The following TENM4 variants were observed in gnomAD, a reference collection of about 807,000 sequenced individuals.
TENM4 encodes the protein teneurin-4.
TENM4 carries 82 observed loss-of-function variants against 243.3 expected under a neutral mutation model. The observed-to-expected ratio is 0.34, with a 90% CI of 0.28 to 0.40. The LOEUF is 0.40. TENM4 is among the 10% of genes least tolerant of loss of function. The pLI, the probability that TENM4 is intolerant of heterozygous loss-of-function variation, is 1.00. For missense variants in TENM4, 3,138 were observed against 3,673.3 expected, an observed-to-expected ratio of 0.85 and a Z score of 3.77; for synonymous variants, 1,412 against 1,456.3, an observed-to-expected ratio of 0.97 and a Z score of 0.69.
Position 78,657,644 on chromosome 11 carries a change from G to T in TENM4, c.*414C>A. ...CCTTTACTCCTGCCCGACCCCAGTC[G>T]AAGAAGAAAGGGTTGCACATGAGAC... On this transcript the variant is annotated 3_prime_UTR_variant, in exon 34 of 34. Transcript: ENST00000278550. 2.8e-6 allele frequency: 1 copy of T among 353,318 alleles called. No individual in the cohort carries two copies. 21.9% of individuals were successfully genotyped at this position (353,318 alleles called of 1,614,324 possible).
intron 6 of TENM4, among the ~76,000 whole-genome samples, chr11:78,942,528 C>T (rs59854086): frequency 0.034 from 5,125 of 151,978 alleles, 264 homozygotes; most frequent in African/African-American, 0.11. Flanking sequence ...ATTCAAAAGC[C>T]GTCCGGGGCT....
chr11:78,734,479 T>G (rs1855742471), intron 20 of TENM4, among the ~76,000 whole-genome samples: 2 of 152,040 alleles, frequency 1.3e-5, no homozygotes, highest in South Asian at 4.1e-4. Flanking sequence ...TTAGAACTTT[T>G]TTTTTTTTTT....
chr11:78,951,405 G>A (rs1222413348), intron 6 of TENM4, among the ~76,000 whole-genome samples: 2 of 152,236 alleles, frequency 1.3e-5, no homozygotes, highest in Admixed American at 1.3e-4. Flanking sequence ...GGGAGCATTT[G>A]GTTACACACA....
intron 6 of TENM4, among the ~76,000 whole-genome samples, chr11:79,063,932 G>A (rs940229799): frequency 6.6e-6 from 1 of 151,864 alleles, no homozygotes; most frequent in African/African-American, 2.4e-5. Flanking sequence ...AATCATTAAA[G>A]TTTATTTTTT....
intron 12 of TENM4, among the ~76,000 whole-genome samples, chr11:78,832,997 A>G (rs1235870202): frequency 6.6e-6 from 1 of 152,210 alleles, no homozygotes; most frequent in South Asian, 2.1e-4. Context: ...TTGCCCTCAA[A>G]TAAGCCATCC....
At position 78,711,466 on chromosome 11, in the gene TENM4, T is replaced by C. The variant is rs114921934; in HGVS notation, c.4054+1016A>G. 3.7e-3 allele frequency among the ~76,000 whole-genome samples: 562 copies of C among 152,342 alleles called. 7 individuals carry two copies. Among genetic ancestry groups the C allele is most frequent in the African/African-American group, 0.013 (534 of 41,566 alleles). ...GTAGATGACAAAGTCTGAATTTGAA[T>C]GCCTGATTTCACTAGAATCTCCTGC... On this transcript the variant is annotated intron_variant, in intron 26 of 33. Transcript: ENST00000278550.
intron 32 of TENM4, among the ~76,000 whole-genome samples, chr11:78,664,882 G>C (rs1296500114): frequency 2.0e-5 from 3 of 152,204 alleles, no homozygotes; most frequent in Non-Finnish European, 4.4e-5. Context: ...TGAGAAGAGG[G>C]CTGGGCCTTA....
intron 1 of TENM4, among the ~76,000 whole-genome samples, chr11:79,370,468 C>T (rs551258868): frequency 6.6e-6 from 1 of 152,278 alleles, no homozygotes; most frequent in Non-Finnish European, 1.5e-5. Context: ...AGTATGAGCA[C>T]CCCTGAAGTT....
intron 6 of TENM4, among the ~76,000 whole-genome samples, chr11:78,935,183 C>T (rs660079): frequency 0.77 from 114,353 of 149,140 alleles, 43,894 homozygotes; most frequent in Admixed American, 0.81. Flanking sequence ...AGCTAATTTT[C>T]TGTATTTTTA....
intron 23 of TENM4, among the ~76,000 whole-genome samples, chr11:78,725,756 G>A (rs935233179): frequency 6.6e-6 from 1 of 152,242 alleles, no homozygotes; most frequent in Non-Finnish European, 1.5e-5. Context: ...GACGCTGGGT[G>A]AGGTGCTCTT....
chr11:79,192,181 G>A (rs1263628701), intron 3 of TENM4, among the ~76,000 whole-genome samples: 1 of 151,674 alleles, frequency 6.6e-6, no homozygotes, highest in Non-Finnish European at 1.5e-5. Flanking sequence ...TGCCCGGTCT[G>A]GGAGCTGAGG....
intron 20 of TENM4, among the ~76,000 whole-genome samples, chr11:78,737,818 C>A (rs1855834449): frequency 6.6e-6 from 1 of 152,154 alleles, no homozygotes; most frequent in African/African-American, 2.4e-5. Flanking sequence ...GGGTGGGGAA[C>A]TAAGATTTGT....
At chr11:79,225,163 C>T (rs138876421) in intron 2 of TENM4, among the ~76,000 whole-genome samples, 69 of 152,288 alleles carry the variant, frequency 4.5e-4, no homozygotes, top group African/African-American at 1.5e-3. Context: ...TGAGACAATA[C>T]GTTTCCAGTG....
chr11:79,416,338 C>T (rs2135581207), intron 1 of TENM4, among the ~76,000 whole-genome samples: 1 of 152,290 alleles, frequency 6.6e-6, no homozygotes, highest in Non-Finnish European at 1.5e-5. Flanking sequence ...AAGTAGTAGT[C>T]TCCTTTTACA....
intron 6 of TENM4, among the ~76,000 whole-genome samples, chr11:79,000,640 A>G (rs1244658073): frequency 2.0e-5 from 3 of 152,228 alleles, no homozygotes; most frequent in African/African-American, 7.2e-5. Flanking sequence ...AAAAAAATCA[A>G]CAAAGGTATT....
At chr11:79,422,282 C>CACAG (rs1491326331) in intron 1 of TENM4, 1 of 150,546 alleles carries the variant, frequency 6.6e-6, no homozygotes, top group African/African-American at 2.5e-5. Context: ...CACACACACA[C>CACAG]AGAGTAAAGG....
intron 6 of TENM4, among the ~76,000 whole-genome samples, chr11:79,014,347 A>G (rs902008158): frequency 5.9e-5 from 9 of 152,192 alleles, no homozygotes; most frequent in African/African-American, 1.9e-4. Context: ...CTTAATGCTA[A>G]TGCTGGCACA....
In TENM4 at chr11:78,656,899, A is replaced by G; in HGVS notation, c.*1159T>C. ...AACTGGTTAGAAGGATGCTTAGCTT[A>G]TGCCTTCCTCTCTTTGGCTGGCTTT... On this transcript the variant is annotated 3_prime_UTR_variant, in exon 34 of 34. Transcript: ENST00000278550. The G allele has an allele frequency of 2.5e-6, 1 of 397,492 alleles. No homozygotes were observed. The highest frequency in any genetic ancestry group is 4.4e-5 in the Admixed American group (1 of 22,730). The allele number at this position is 397,492 out of a possible 1,614,324, so 24.6% of individuals were successfully genotyped here.
rs139823275 is a variant in TENM4, at chr11:78,773,238, G to A, written c.2393-2100C>T. 4.4e-4 allele frequency among the ~76,000 whole-genome samples: 67 copies of A among 152,284 alleles called. 1 individual carries two copies. The East Asian group carries it at 0.012, about 27-fold the overall frequency. ...TAAAGCCTCTTGTAAGATGCAAACAGTATCTCTTACGTAAGAGCACAAGCT... is the reference window on the plus strand; with the variant it reads ...TAAAGCCTCTTGTAAGATGCAAACAATATCTCTTACGTAAGAGCACAAGCT... On this transcript the variant is annotated intron_variant, in intron 17 of 33. Transcript: ENST00000278550.
Sources: allele counts gnomAD v4.1 joint callset (sites outside exome capture counted in the v4.1 genomes callset), GRCh38; gene constraint gnomAD v4.1.1; transcripts MANE v1.5; gene names NCBI Gene and HGNC (gene_info 2026-07-23, HGNC 2026-07-21).